Variants in SPAG1 observed in about 807,000 individuals in gnomAD.
SPAG1 encodes the protein sperm associated antigen 1.
In SPAG1, 69 loss-of-function variants were observed where a neutral mutation model predicts 100.5. That is an observed-to-expected ratio of 0.69 (90% CI 0.57 to 0.84). SPAG1 has a LOEUF of 0.84. Ranked by LOEUF, SPAG1 falls within the 40% of genes least tolerant of loss-of-function variation. The pLI is 0.00. For missense variants in SPAG1, 955 were observed against 1,133.1 expected (o/e 0.84, Z 2.26); for synonymous variants, 336 against 411.6 (o/e 0.82, Z 2.22).
At chr8:100,204,802 T>C (rs1429486685) in intron 10 of SPAG1, among the ~76,000 whole-genome samples, 2 of 152,170 alleles carry the variant, frequency 1.3e-5, no homozygotes, top group Non-Finnish European at 2.9e-5. Flanking sequence ...CTTCTCTGTA[T>C]GTCAGACCTA....
Position 100,191,444 on chromosome 8 carries a change from CAGA to C in SPAG1, c.891_893del (p.Glu297del). The C allele has an allele frequency of 6.2e-7, 1 of 1,614,042 alleles. No homozygotes were observed. The highest frequency in any genetic ancestry group is 8.5e-7 in the Non-Finnish European group (1 of 1,179,960). On this transcript the variant is annotated inframe_deletion, in exon 9 of 19. Transcript: ENST00000388798. Reference sequence around the variant, plus strand: ...CATCAAAACAAGCTCCGGGAAGCTACAGAAGATTTGAGTAAAGTACTAGATGTT... The same window carrying C: ...CATCAAAACAAGCTCCGGGAAGCTACAGATTTGAGTAAAGTACTAGATGTT...
At chr8:100,204,516 A>T (rs1586475211) in intron 10 of SPAG1, among the ~76,000 whole-genome samples, 1 of 152,078 alleles carries the variant, frequency 6.6e-6, no homozygotes, top group East Asian at 1.9e-4. Context: ...GAGAGTTAAA[A>T]AAAAAAAAGG....
intron 14 of SPAG1, among the ~76,000 whole-genome samples, chr8:100,230,685 A>G (rs1818727265): frequency 6.6e-6 from 1 of 152,174 alleles, no homozygotes; most frequent in Non-Finnish European, 1.5e-5. Context: ...GTGCAACGGC[A>G]TGATCTTGGC....
At chr8:100,225,362 T>C in intron 14 of SPAG1, 23 bp downstream of exon 14, 7 of 1,609,794 alleles carry the variant, frequency 4.3e-6, no homozygotes, top group Non-Finnish European at 5.9e-6. Context: ...TGCACTCATT[T>C]CTTCTCAAGG....
intron 4 of SPAG1, among the ~76,000 whole-genome samples, chr8:100,181,676 C>T (rs977003903): frequency 6.6e-6 from 1 of 152,194 alleles, no homozygotes; most frequent in African/African-American, 2.4e-5. Context: ...CAACTCTAAG[C>T]TCTGTTTTCA....
Position 100,162,269 on chromosome 8 carries a change from T to C in SPAG1, c.-2-10T>C, listed in dbSNP as rs761301651. On this transcript the variant is annotated splice_polypyrimidine_tract_variant and intron_variant, in intron 1 of 18. Coordinates refer to ENST00000388798, the MANE Select transcript of SPAG1 (RefSeq NM_003114.5). ...CATTAGATTAATAACTTTTAAATAT[T>C]GTATTTCAGCTATGACCACCAAAGA... is the stretch of plus-strand genomic sequence containing the variant. The C allele has an allele frequency of 1.3e-6, 2 of 1,580,266 alleles. No homozygotes were observed. Among genetic ancestry groups the C allele is most frequent in the African/African-American group, 2.7e-5 (2 of 73,232 alleles).
intron 3 of SPAG1, among the ~76,000 whole-genome samples, chr8:100,168,157 C>A (rs1815648259): frequency 6.6e-6 from 1 of 152,148 alleles, no homozygotes; most frequent in African/African-American, 2.4e-5. Context: ...AGTGGCTGTA[C>A]CATTGTGCAA....
chr8:100,215,100 A>T (rs549155294), intron 12 of SPAG1, among the ~76,000 whole-genome samples: 67 of 142,676 alleles, frequency 4.7e-4, no homozygotes, highest in South Asian at 2.0e-3. Context: ...GCTATAGAAC[A>T]CTAGAACATG....
chr8:100,194,031 CT>C, intron 9 of SPAG1, 80 bp from the exon 10 acceptor site: 2 of 1,129,428 alleles, frequency 1.8e-6, no homozygotes, highest in South Asian at 4.3e-5. Context: ...TTTTCAACAT[CT>C]TTATGTTTTT....
At chr8:100,198,794 C>G (rs777731039) in intron 10 of SPAG1, among the ~76,000 whole-genome samples, 11 of 152,070 alleles carry the variant, frequency 7.2e-5, no homozygotes, top group Non-Finnish European at 1.3e-4. Context: ...CCCATTTTAC[C>G]CTTCCCCTGG....
At chr8:100,202,709 C>CAAAAA (rs750153561) in intron 10 of SPAG1, among the ~76,000 whole-genome samples, 11 of 27,458 alleles carry the variant, frequency 4.0e-4, no homozygotes, top group African/African-American at 1.3e-3. Context: ...GACTCCGTCT[C>CAAAAA]AAAAAAAAAA....
At chr8:100,236,855 G>T (rs908028890) in intron 16 of SPAG1, among the ~76,000 whole-genome samples, 1 of 152,188 alleles carries the variant, frequency 6.6e-6, no homozygotes, top group Non-Finnish European at 1.5e-5. Context: ...CCCAAAAGAG[G>T]ATGCTGTAGA....
chr8:100,236,202 C>A (rs1051985617), intron 16 of SPAG1, among the ~76,000 whole-genome samples: 2 of 152,016 alleles, frequency 1.3e-5, no homozygotes, highest in Non-Finnish European at 2.9e-5. Flanking sequence ...AAAAATAATC[C>A]CAAATTTGAG....
intron 10 of SPAG1, among the ~76,000 whole-genome samples, chr8:100,206,017 C>CAAAAAAAAAAAAAAAAAAAAAAAAAA: frequency 1.3e-5 from 1 of 77,350 alleles, no homozygotes. Flanking sequence ...GACTCTGTCT[C>CAAAAAAAAAAAAAAAAAAAAAAAAAA]AAAAAAAAAA....
Position 100,162,025 on chromosome 8 carries a change from T to A in SPAG1, c.-2-254T>A, listed in dbSNP as rs1057492649. Reference sequence around the variant, plus strand: ...CAAAACTAGCAGGCCAACCCTCAGTTTGGTCCAGGAACACCTAGGTGGGAC... The same window carrying A: ...CAAAACTAGCAGGCCAACCCTCAGTATGGTCCAGGAACACCTAGGTGGGAC... On this transcript the variant is annotated intron_variant, in intron 1 of 18. Coordinates refer to ENST00000388798, the MANE Select transcript of SPAG1 (RefSeq NM_003114.5). Among the ~76,000 whole-genome samples the A allele has an allele frequency of 2.6e-5, 4 of 152,284 alleles. No individual in the cohort carries two copies. In the South Asian group the frequency reaches 6.2e-4, roughly 24 times the overall value.
intron 10 of SPAG1, among the ~76,000 whole-genome samples, chr8:100,198,627 A>T (rs770420874): frequency 2.6e-5 from 4 of 152,248 alleles, no homozygotes; most frequent in Admixed American, 6.5e-5. Context: ...ATAAGCATTA[A>T]AAATATTTTA....
At chr8:100,203,012 A>G (rs1311173875) in intron 10 of SPAG1, among the ~76,000 whole-genome samples, 1 of 152,100 alleles carries the variant, frequency 6.6e-6, no homozygotes, top group Non-Finnish European at 1.5e-5. Flanking sequence ...TGTTAACTTG[A>G]TTGGATTGAA....
At chr8:100,163,407 CTTT>C (rs781486782) in intron 2 of SPAG1, among the ~76,000 whole-genome samples, 1 of 141,500 alleles carries the variant, frequency 7.1e-6, no homozygotes, top group Admixed American at 7.1e-5. Flanking sequence ...TTCTTTCTTT[CTTT>C]TTTTTTTTTT....
At chr8:100,199,138 G>A (rs531302567) in intron 10 of SPAG1, among the ~76,000 whole-genome samples, 65 of 152,276 alleles carry the variant, frequency 4.3e-4, no homozygotes, top group African/African-American at 1.5e-3. Context: ...CATTATTTTG[G>A]AGTGGAATTG....
Sources: gnomAD v4.1 joint callset for allele counts (sites outside exome capture counted in the v4.1 genomes callset) on GRCh38, gnomAD v4.1.1 for gene constraint, MANE v1.5 for transcripts, NCBI Gene and HGNC (gene_info 2026-07-23, HGNC 2026-07-21) for gene names.